Variants in MKLN1 observed in about 807,000 individuals in gnomAD.
The protein encoded by MKLN1 is muskelin.
MKLN1 carries 18 observed loss-of-function variants against 99.0 expected under a neutral mutation model. The observed-to-expected ratio is 0.18, with a 90% CI of 0.13 to 0.27. The LOEUF is 0.27. Among genes scored for constraint, MKLN1 ranks in the 10% least tolerant of loss-of-function variants. MKLN1 has a pLI of 1.00. For missense variants in MKLN1, 621 were observed against 875.9 expected, an observed-to-expected ratio of 0.71 and a Z score of 3.67; for synonymous variants, 288 against 293.2, an observed-to-expected ratio of 0.98 and a Z score of 0.18.
At chr7:131,175,245 T>C (rs1796280967) in intron 2 of MKLN1, among the ~76,000 whole-genome samples, 1 of 52,480 alleles carries the variant, frequency 1.9e-5, no homozygotes, top group East Asian at 2.2e-3. Context: ...AATGGATGGA[T>C]GGATAGATAG....
At chr7:131,275,534 GATATATATATATAT>G (rs1166104066) in intron 3 of MKLN1, among the ~76,000 whole-genome samples, 21 of 14,268 alleles carry the variant, frequency 1.5e-3, no homozygotes, top group African/African-American at 2.9e-3. Context: ...ACGCCCAGCT[GATATATATATATAT>G]ATATATATAT....
chr7:131,412,842 G>A (rs1486488379), intron 7 of MKLN1, among the ~76,000 whole-genome samples: 1 of 152,142 alleles, frequency 6.6e-6, no homozygotes, highest in African/African-American at 2.4e-5. Flanking sequence ...CTTTAGTTGT[G>A]AGAAAGCTTT....
At position 131,470,838 on chromosome 7, in the gene MKLN1, C is replaced by G. The variant is rs1374405106; in HGVS notation, c.1929-4C>G. 1.3e-6 allele frequency: 2 copies of G among 1,567,126 alleles called. No individual in the cohort carries two copies. Among genetic ancestry groups the G allele is most frequent in the South Asian group, 2.2e-5 (2 of 89,380 alleles). ...AGATAATTATCCTTGTGTACATTTT[C>G]TAGGTTTGAAGAAAAGGCCCAAGTG... On this transcript the variant is annotated splice_region_variant and splice_polypyrimidine_tract_variant and intron_variant, in intron 15 of 17. Transcript: ENST00000352689.
intron 2 of MKLN1, among the ~76,000 whole-genome samples, chr7:131,386,627 T>G (rs1033384421): frequency 2.0e-5 from 3 of 152,244 alleles, no homozygotes; most frequent in Non-Finnish European, 4.4e-5. Flanking sequence ...ACATTAGACG[T>G]ATCTAGAGTA....
chr7:131,474,937 G>C (rs765379819), intron 16 of MKLN1, among the ~76,000 whole-genome samples: 12 of 152,118 alleles, frequency 7.9e-5, no homozygotes, highest in Admixed American at 4.6e-4. Context: ...TTTTTCACAT[G>C]ATGGCAGGAG....
chr7:131,415,342 C>G (rs1371126850), intron 8 of MKLN1, among the ~76,000 whole-genome samples: 1 of 152,082 alleles, frequency 6.6e-6, no homozygotes, highest in African/African-American at 2.4e-5. Flanking sequence ...GAATACCACT[C>G]TTTCCAGGCG....
In MKLN1 at chr7:131,285,367, G is replaced by A. The variant is rs1378752348; in HGVS notation, c.-179+82393G>A. 2.0e-5 allele frequency among the ~76,000 whole-genome samples: 3 copies of A among 152,324 alleles called. No homozygotes were observed. The East Asian group carries it at 5.8e-4, about 29-fold the overall frequency. On this transcript the variant is annotated intron_variant, in intron 3 of 7. Transcript: ENST00000416992. ...CTCCTGGTGTGGGGCAATGAGACAC[G>A]GGATGCGCTCATACCTTGTCCACTT...
chr7:131,466,904 TACAC>T (rs907079191), intron 15 of MKLN1, among the ~76,000 whole-genome samples: 20 of 150,784 alleles, frequency 1.3e-4, no homozygotes, highest in South Asian at 4.2e-4. Context: ...TATATACATA[TACAC>T]ACACACACAC....
In MKLN1 at chr7:131,350,163, C is replaced by T. The variant is rs113984018; in HGVS notation, c.98+22166C>T. ...AGTTATGTTATTTTATTTCTAAATA[C>T]TTCAGTATACATGAAGAAGAGGACA... On this transcript the variant is annotated intron_variant, in intron 1 of 17. Coordinates refer to ENST00000352689, the MANE Select transcript of MKLN1 (RefSeq NM_013255.5). Among the ~76,000 whole-genome samples the T allele has an allele frequency of 4.2e-3, 644 of 151,770 alleles. 3 individuals are homozygous for T. The highest frequency in any genetic ancestry group is 0.013 in the African/African-American group (541 of 41,432).
At chr7:131,327,804 G>T, upstream of MKLN1, 1 of 1,473,874 alleles carries the variant, frequency 6.8e-7, no homozygotes, top group South Asian at 1.3e-5. Flanking sequence ...GCGGGCGGCC[G>T]GGGAGGGCGG....
intron 1 of MKLN1, among the ~76,000 whole-genome samples, chr7:131,346,955 G>A (rs937349701): frequency 6.6e-6 from 1 of 152,206 alleles, no homozygotes; most frequent in Non-Finnish European, 1.5e-5. Flanking sequence ...ATGGAGGCTA[G>A]CCTTGATCCA....
At chr7:131,216,165 A>T (rs113366442) in intron 3 of MKLN1, among the ~76,000 whole-genome samples, 11,039 of 152,166 alleles carry the variant, frequency 0.073, 452 homozygotes, top group African/African-American at 0.093. Flanking sequence ...TTTGGGAGGC[A>T]GAGGCAGGCA....
At chr7:131,188,498 A>G (rs1216800479) in intron 2 of MKLN1, among the ~76,000 whole-genome samples, 2 of 152,194 alleles carry the variant, frequency 1.3e-5, no homozygotes, top group African/African-American at 4.8e-5. Flanking sequence ...TCTTGACTCC[A>G]CAGGATGTCT....
chr7:131,144,289 C>T (rs1299653289), intron 2 of MKLN1, among the ~76,000 whole-genome samples: 4 of 151,040 alleles, frequency 2.6e-5, no homozygotes, highest in African/African-American at 9.7e-5. Flanking sequence ...GAGATCGAGA[C>T]CATCCTGTGA....
intron 3 of MKLN1, among the ~76,000 whole-genome samples, chr7:131,221,544 C>T (rs1797059408): frequency 6.8e-6 from 1 of 147,660 alleles, no homozygotes; most frequent in Non-Finnish European, 1.5e-5. Context: ...AGTCTGGCTC[C>T]ATCACCCACG....
At chr7:131,398,640 G>A (rs933430841) in intron 5 of MKLN1, among the ~76,000 whole-genome samples, 3 of 151,900 alleles carry the variant, frequency 2.0e-5, no homozygotes, top group African/African-American at 4.8e-5. Context: ...GCAGTGAGCT[G>A]AGATTATGCC....
intron 3 of MKLN1, among the ~76,000 whole-genome samples, chr7:131,296,080 G>T (rs950999411): frequency 6.6e-6 from 1 of 151,970 alleles, no homozygotes; most frequent in Admixed American, 6.6e-5. Context: ...CTTTTTTGGC[G>T]GTTACAATTT....
intron 2 of MKLN1, among the ~76,000 whole-genome samples, chr7:131,143,380 C>T (rs1029898664): frequency 2.0e-5 from 3 of 152,104 alleles, no homozygotes; most frequent in African/African-American, 4.8e-5. Flanking sequence ...GCAGGAGAAT[C>T]GCTTGAACCC....
intron 2 of MKLN1, among the ~76,000 whole-genome samples, chr7:131,196,822 A>G (rs760228998): frequency 1.3e-4 from 19 of 151,336 alleles, no homozygotes; most frequent in Non-Finnish European, 2.6e-4. Flanking sequence ...GAAAAGCAAC[A>G]TGTAAATCAG....
Sources: allele counts gnomAD v4.1 joint callset (sites outside exome capture counted in the v4.1 genomes callset), GRCh38; gene constraint gnomAD v4.1.1; transcripts MANE v1.5; gene names NCBI Gene and HGNC (gene_info 2026-07-23, HGNC 2026-07-21).